Variants in ANKS1B observed in about 807,000 individuals in gnomAD.
The protein encoded by ANKS1B is ankyrin repeat and sterile alpha motif domain-containing protein 1B.
A neutral mutation model predicts 148.3 loss-of-function variants in ANKS1B; 36 were observed. The ratio of observed to expected loss-of-function variants is 0.24; its 90% CI spans 0.19 to 0.32. ANKS1B has a LOEUF of 0.32. ANKS1B is among the 10% of genes least tolerant of loss of function. The pLI is 1.00. For synonymous variants in ANKS1B, 542 were observed against 560.8 expected, an observed-to-expected ratio of 0.97 and a Z score of 0.47; for missense variants, 1,157 against 1,542.6, an observed-to-expected ratio of 0.75 and a Z score of 4.19.
chr12:99,305,690 T>C (rs2082244622), intron 12 of ANKS1B, among the ~76,000 whole-genome samples: 1 of 152,108 alleles, frequency 6.6e-6, no homozygotes, highest in African/African-American at 2.4e-5. Flanking sequence ...GGATTCTCTC[T>C]ATACATAGCA....
intron 1 of ANKS1B, among the ~76,000 whole-genome samples, chr12:99,934,590 A>T (rs1229902606): frequency 6.6e-6 from 1 of 152,044 alleles, no homozygotes; most frequent in Non-Finnish European, 1.5e-5. Context: ...GATCTTTTGA[A>T]TTTCTGCAGT....
At chr12:99,783,706 A>G (rs2064634444) in intron 4 of ANKS1B, among the ~76,000 whole-genome samples, 1 of 152,148 alleles carries the variant, frequency 6.6e-6, no homozygotes, top group African/African-American at 2.4e-5. Context: ...GAGTAACATT[A>G]TGGTTATGAG....
intron 12 of ANKS1B, among the ~76,000 whole-genome samples, chr12:99,288,663 T>C (rs903194248): frequency 6.6e-6 from 1 of 152,118 alleles, no homozygotes; most frequent in Non-Finnish European, 1.5e-5. Context: ...TGTTAATTTG[T>C]TTTTGCAGTC....
rs542025920 is a variant in ANKS1B at position 98,925,747 on chromosome 12, T to G, written c.2779-93611A>C. On this transcript the variant is annotated intron_variant, in intron 17 of 26. Coordinates refer to ENST00000683438, the MANE Select transcript of ANKS1B (RefSeq NM_001352186.2). Reference sequence around the variant, plus strand: ...GGAGGGGACAGGTCAGGTATGAAGCTCCCCCAAAATTCCCATTCCCAGAGA... The same window carrying G: ...GGAGGGGACAGGTCAGGTATGAAGCGCCCCCAAAATTCCCATTCCCAGAGA... Among the ~76,000 whole-genome samples, 314 of 152,138 alleles carry G rather than the reference T, an allele frequency of 2.1e-3. 3 individuals carry two copies. Among genetic ancestry groups the G allele is most frequent in the African/African-American group, 7.2e-3 (300 of 41,520 alleles).
chr12:99,389,666 G>A lies in ANKS1B; in HGVS notation c.1756+9965C>T, dbSNP rs201984112. 2.0e-5 allele frequency among the ~76,000 whole-genome samples: 3 copies of A among 152,164 alleles called. No homozygotes were observed. In the East Asian group the frequency reaches 5.8e-4, roughly 29 times the overall value. Reference sequence around the variant, plus strand: ...TAAACTAAAAATGACAAGATAATTAGAGAGAAGATATATACAGCAATAAAT... The same window carrying A: ...TAAACTAAAAATGACAAGATAATTAAAGAGAAGATATATACAGCAATAAAT... On this transcript the variant is annotated intron_variant, in intron 12 of 26. Coordinates refer to ENST00000683438, the MANE Select transcript of ANKS1B (RefSeq NM_001352186.2).
At chr12:98,835,083 A>G (rs2099354655) in intron 17 of ANKS1B, among the ~76,000 whole-genome samples, 1 of 145,574 alleles carries the variant, frequency 6.9e-6, no homozygotes, top group East Asian at 2.1e-4. Context: ...TTTTTATAAT[A>G]AAGACATTTG....
intron 17 of ANKS1B, among the ~76,000 whole-genome samples, chr12:98,915,956 G>T (rs1596834813): frequency 6.6e-6 from 1 of 152,112 alleles, no homozygotes; most frequent in African/African-American, 2.4e-5. Flanking sequence ...GTGGGCTGAG[G>T]TTGAGGGGGA....
intron 8 of ANKS1B, among the ~76,000 whole-genome samples, chr12:99,726,403 GGA>G (rs146973413): frequency 0.01 from 1,550 of 152,122 alleles, 40 homozygotes; most frequent in African/African-American, 0.035. Context: ...ATAAATTCCT[GGA>G]CACATACATC....
chr12:99,879,692 A>G (rs1488154590), intron 1 of ANKS1B, among the ~76,000 whole-genome samples: 2 of 152,178 alleles, frequency 1.3e-5, no homozygotes, highest in African/African-American at 4.8e-5. Context: ...CCTATACTAC[A>G]GATGAAGGTT....
At position 99,643,267 on chromosome 12, in the gene ANKS1B, T is replaced by C. The variant is rs190208556; in HGVS notation, c.1272+11800A>G. Among the ~76,000 whole-genome samples, 355 of 152,080 alleles carry C rather than the reference T, an allele frequency of 2.3e-3. 2 individuals carry two copies. The highest frequency in any genetic ancestry group is 7.8e-3 in the African/African-American group (322 of 41,466). On this transcript the variant is annotated intron_variant, in intron 9 of 26. Transcript: ENST00000683438. ...ACTCAAAATCTCAAAAACTCAAAAG[T>C]CCCAAATTTCCTCATATAAATCAAG...
chr12:99,630,968 A>G (rs2098153891), intron 9 of ANKS1B, among the ~76,000 whole-genome samples: 1 of 152,102 alleles, frequency 6.6e-6, no homozygotes. Context: ...TGCTTTTCTC[A>G]TGATAGTGAA....
intron 15 of ANKS1B, among the ~76,000 whole-genome samples, chr12:99,102,451 G>A (rs1340559510): frequency 1.3e-5 from 2 of 152,002 alleles, no homozygotes; most frequent in African/African-American, 4.8e-5. Context: ...TCACTCGTAA[G>A]AATAGGAGGT....
chr12:99,495,846 G>C (rs567060260), intron 10 of ANKS1B, among the ~76,000 whole-genome samples: 2 of 152,300 alleles, frequency 1.3e-5, no homozygotes, highest in South Asian at 2.1e-4. Flanking sequence ...ATAGAATTAA[G>C]GAAGTTTCAC....
At chr12:99,937,142 G>C (rs2094797929) in intron 1 of ANKS1B, among the ~76,000 whole-genome samples, 1 of 152,084 alleles carries the variant, frequency 6.6e-6, no homozygotes, top group African/African-American at 2.4e-5. Flanking sequence ...AGTGCCCCAG[G>C]GGCATGCTTC....
At chr12:98,809,677 C>T (rs929564988) in intron 19 of ANKS1B, among the ~76,000 whole-genome samples, 6 of 152,162 alleles carry the variant, frequency 3.9e-5, no homozygotes, top group African/African-American at 1.2e-4. Context: ...CAGCTATATA[C>T]AGCTTGGTTC....
intron 20 of ANKS1B, among the ~76,000 whole-genome samples, chr12:98,804,512 G>A (rs1192923826): frequency 1.3e-5 from 2 of 151,520 alleles, no homozygotes; most frequent in Non-Finnish European, 2.9e-5. Context: ...TAATGGGAAT[G>A]GATGGACTCC....
intron 19 of ANKS1B, among the ~76,000 whole-genome samples, chr12:98,811,485 C>T (rs946109351): frequency 6.6e-6 from 1 of 152,180 alleles, no homozygotes; most frequent in South Asian, 2.1e-4. Context: ...ATGTGACCTG[C>T]CTGGCAGAAG....
chr12:99,406,651 A>G (rs1259966307), intron 11 of ANKS1B, among the ~76,000 whole-genome samples: 2 of 146,044 alleles, frequency 1.4e-5, no homozygotes, highest in Non-Finnish European at 3.0e-5. Context: ...AAGTTAGAAG[A>G]AAAGAAATAA....
chr12:98,979,580 T>C (rs1417475991), intron 17 of ANKS1B, among the ~76,000 whole-genome samples: 1 of 152,178 alleles, frequency 6.6e-6, no homozygotes, highest in African/African-American at 2.4e-5. Flanking sequence ...TATCTTTCTC[T>C]GGTTTTCATA....
Sources: gnomAD v4.1 joint callset for allele counts (sites outside exome capture counted in the v4.1 genomes callset) on GRCh38, gnomAD v4.1.1 for gene constraint, MANE v1.5 for transcripts, NCBI Gene and HGNC (gene_info 2026-07-23, HGNC 2026-07-21) for gene names.